The following TGFBR2 variants were observed in gnomAD, a reference collection of about 807,000 sequenced individuals.
TGFBR2 encodes the protein transforming growth factor beta receptor 2, also known as TGF-beta receptor type-2.
A neutral mutation model predicts 49.0 loss-of-function variants in TGFBR2; 18 were observed. That is an observed-to-expected ratio of 0.37 (90% CI 0.25 to 0.54). The LOEUF (loss-of-function observed/expected upper bound fraction) is 0.54. Among genes scored for constraint, TGFBR2 ranks in the 20% least tolerant of loss-of-function variants. The pLI is 0.85. For synonymous variants in TGFBR2, 282 were observed against 275.9 expected (o/e 1.02, Z -0.22); for missense variants, 525 against 722.6 (o/e 0.73, Z 3.13).
chr3:30,645,051 C>G, intron 2 of TGFBR2, 136 bp downstream of exon 2: 1 of 825,112 alleles, frequency 1.2e-6, no homozygotes, highest in Non-Finnish European at 2.0e-6. Flanking sequence ...TAGACCATCT[C>G]TCTTTCGATT....
At chr3:30,688,104 C>T (rs1474861755) in intron 5 of TGFBR2, among the ~76,000 whole-genome samples, 2 of 152,176 alleles carry the variant, frequency 1.3e-5, no homozygotes, top group South Asian at 2.1e-4. Context: ...ACCTAAGCTC[C>T]GTGACCCTCT....
chr3:30,633,087 A>G (rs1698466424), intron 1 of TGFBR2, among the ~76,000 whole-genome samples: 1 of 152,184 alleles, frequency 6.6e-6, no homozygotes, highest in Admixed American at 6.5e-5. Flanking sequence ...TTTTGATGGA[A>G]TATCTATTTC....
intron 6 of TGFBR2, among the ~76,000 whole-genome samples, chr3:30,690,852 C>A (rs1019383301): frequency 2.6e-5 from 4 of 152,144 alleles, no homozygotes; most frequent in Non-Finnish European, 4.4e-5. Flanking sequence ...ATATACAACA[C>A]CAAGAGTGAA....
intron 1 of TGFBR2, among the ~76,000 whole-genome samples, chr3:30,625,317 C>T (rs1034254408): frequency 1.3e-5 from 2 of 152,148 alleles, no homozygotes; most frequent in African/African-American, 4.8e-5. Context: ...TTTAGCATTG[C>T]AATTTTCTGA....
chr3:30,685,310 T>C (rs1463491370), intron 5 of TGFBR2, among the ~76,000 whole-genome samples: 1 of 152,236 alleles, frequency 6.6e-6, no homozygotes, highest in East Asian at 1.9e-4. Context: ...AAGAAGGGGC[T>C]ACATCAAGGC....
chr3:30,659,336 G>C (rs1277213829), intron 3 of TGFBR2, among the ~76,000 whole-genome samples: 3 of 152,166 alleles, frequency 2.0e-5, no homozygotes, highest in African/African-American at 7.2e-5. Context: ...AGTTATTTGA[G>C]GTGATGACTC....
At chr3:30,645,166 T>C (rs1025402274) in intron 2 of TGFBR2, among the ~76,000 whole-genome samples, 6 of 152,148 alleles carry the variant, frequency 3.9e-5, no homozygotes, top group African/African-American at 1.4e-4. Context: ...GTAAAGATCA[T>C]AAAATGATCT....
rs180771555 is a variant in TGFBR2, at chr3:30,681,246, G to A, written c.1396+7000G>A. Among the ~76,000 whole-genome samples, 76 of 151,968 alleles carry A rather than the reference G, an allele frequency of 5.0e-4. No homozygotes were observed. The East Asian group carries it at 0.014, about 28-fold the overall frequency. ...AGAAAGAGACAGAAAAAAAGGAGGC[G>A]TTGGAGAGACGGCTGAGGAGAGACC... On this transcript the variant is annotated intron_variant, in intron 5 of 6. Coordinates refer to ENST00000295754, the MANE Select transcript of TGFBR2 (RefSeq NM_003242.6).
intron 3 of TGFBR2, among the ~76,000 whole-genome samples, chr3:30,658,949 T>A (rs3773636): frequency 1.3e-5 from 2 of 151,976 alleles, no homozygotes; most frequent in African/African-American, 4.8e-5. Flanking sequence ...ACTTCCGTTG[T>A]TTTCCGAGTA....
Position 30,606,862 on chromosome 3 carries a change from A to G in TGFBR2, c.-22A>G, listed in dbSNP as rs763748763. On this transcript the variant is annotated 5_prime_UTR_variant, in exon 1 of 7. It removes an upstream start codon present in the reference 5' UTR. Coordinates refer to ENST00000295754, the MANE Select transcript of TGFBR2 (RefSeq NM_003242.6). ...GTCCGCTGCGCTGGGGGCTCGGTCTATGACGAGCAGCGGGGTCTGCCATGG... is the reference window on the plus strand; with the variant it reads ...GTCCGCTGCGCTGGGGGCTCGGTCTGTGACGAGCAGCGGGGTCTGCCATGG... 5.4e-6 allele frequency: 8 copies of G among 1,475,506 alleles called. No individual in the cohort carries two copies. The highest frequency in any genetic ancestry group is 2.7e-5 in the East Asian group (1 of 36,496). The allele number at this position is 1,475,506 out of a possible 1,614,324, so 91.4% of individuals were successfully genotyped here.
intron 1 of TGFBR2, among the ~76,000 whole-genome samples, chr3:30,644,315 G>A (rs1482241103): frequency 6.6e-6 from 1 of 152,128 alleles, no homozygotes; most frequent in African/African-American, 2.4e-5. Context: ...CACATCCTCT[G>A]TGCTGCCCTC....
In TGFBR2 at chr3:30,691,422, C is replaced by T. The variant is rs2125455064; in HGVS notation, c.1527C>T (p.Gly509=). ...EIPSFWLNHQ[G]IQMVCETLTE... The stretch of plus-strand genomic sequence containing the variant: ...TTTGGATCTCTTTCCCGCTACAGGG[C>T]ATCCAGATGGTGTGTGAGACGTTGA... The change falls in exon 7 of 7, where the codon GGC becomes GGT. Residue 509 remains glycine (G), a splice_region_variant and synonymous_variant. Coordinates refer to ENST00000295754, the MANE Select transcript of TGFBR2 (RefSeq NM_003242.6). 3 of 1,613,982 alleles carry T rather than the reference C, an allele frequency of 1.9e-6. No individual in the cohort carries two copies. Among genetic ancestry groups the T allele is most frequent in the Non-Finnish European group, 2.5e-6 (3 of 1,179,904 alleles).
rs79601357 is a variant in TGFBR2 at position 30,661,119 on chromosome 3, C to A, written c.455-10519C>A. On this transcript the variant is annotated intron_variant, in intron 3 of 6. Coordinates refer to ENST00000295754, the MANE Select transcript of TGFBR2 (RefSeq NM_003242.6). ...CAGGTTTCCTGAGAACATGAGGGCC[C>A]CTAGACAGAGTACAAGGTGTAATTC... Among the ~76,000 whole-genome samples, 461 of 152,108 alleles carry A rather than the reference C, an allele frequency of 3.0e-3. 7 individuals are homozygous for A. The highest frequency in any genetic ancestry group is 0.011 in the African/African-American group (437 of 41,488).
At chr3:30,620,877 A>G (rs1277656816) in intron 1 of TGFBR2, among the ~76,000 whole-genome samples, 1 of 152,182 alleles carries the variant, frequency 6.6e-6, no homozygotes, top group East Asian at 1.9e-4. Context: ...AAATAATCCC[A>G]TATTGCAAAG....
At chr3:30,684,694 C>A (rs1224092519) in intron 5 of TGFBR2, among the ~76,000 whole-genome samples, 1 of 151,302 alleles carries the variant, frequency 6.6e-6, no homozygotes, top group Non-Finnish European at 1.5e-5. Flanking sequence ...AGATGGGAAG[C>A]AGGCCTTGTA....
At chr3:30,679,877 C>T (rs567992631) in intron 5 of TGFBR2, among the ~76,000 whole-genome samples, 1 of 152,312 alleles carries the variant, frequency 6.6e-6, no homozygotes, top group East Asian at 1.9e-4. Context: ...CCTGTAATCC[C>T]AGCACTTTGG....
At chr3:30,665,178 G>C (rs1699221579) in intron 3 of TGFBR2, among the ~76,000 whole-genome samples, 1 of 152,208 alleles carries the variant, frequency 6.6e-6, no homozygotes, top group South Asian at 2.1e-4. Flanking sequence ...AACTGGCTGA[G>C]ATCCAAAGAA....
chr3:30,690,954 G>T (rs1699698037), intron 6 of TGFBR2, among the ~76,000 whole-genome samples: 1 of 152,226 alleles, frequency 6.6e-6, no homozygotes, highest in Non-Finnish European at 1.5e-5. Flanking sequence ...CATGCATGAT[G>T]TCAAGGTGGA....
chr3:30,632,627 T>C (rs922473736), intron 1 of TGFBR2, among the ~76,000 whole-genome samples: 1 of 152,224 alleles, frequency 6.6e-6, no homozygotes, highest in African/African-American at 2.4e-5. Context: ...CTCATACTTA[T>C]CTTGTCATTT....
Sources: gnomAD v4.1 joint callset for allele counts (sites outside exome capture counted in the v4.1 genomes callset) on GRCh38, gnomAD v4.1.1 for gene constraint, MANE v1.5 for transcripts, NCBI Gene and HGNC (gene_info 2026-07-23, HGNC 2026-07-21) for gene names.